The following SLC16A6 variants were observed in gnomAD, a reference collection of about 807,000 sequenced individuals.
SLC16A6 encodes monocarboxylate transporter 7.
In SLC16A6, 15 loss-of-function variants were observed where a neutral mutation model predicts 33.8. The observed-to-expected ratio is 0.44, with a 90% confidence interval of 0.30 to 0.68. SLC16A6 has a LOEUF of 0.68. SLC16A6 is among the 30% of genes least tolerant of loss of function. SLC16A6 has a pLI of 0.10. For synonymous variants in SLC16A6, 219 were observed against 248.4 expected (o/e 0.88, Z 1.11); for missense variants, 451 against 661.5 (o/e 0.68, Z 3.49).
At chr17:68,276,406 G>A (rs1027159087) in intron 2 of SLC16A6, among the ~76,000 whole-genome samples, 1 of 152,150 alleles carries the variant, frequency 6.6e-6, no homozygotes, top group Non-Finnish European at 1.5e-5. Context: ...CAGTGTGTAA[G>A]TGTAAACTTA....
chr17:68,273,210 ATT>A (rs879951885), intron 3 of SLC16A6, among the ~76,000 whole-genome samples: 1 of 144,218 alleles, frequency 6.9e-6, no homozygotes, highest in African/African-American at 2.5e-5. Context: ...TGTTCATTTC[ATT>A]TTTTTTTTTT....
intron 2 of SLC16A6, 44 bp downstream of exon 2, chr17:68,278,045 G>A (rs1015277636): frequency 1.5e-6 from 2 of 1,348,972 alleles, no homozygotes; most frequent in African/African-American, 2.9e-5. Flanking sequence ...CAAATTAAAA[G>A]GGCCCTATAC....
At chr17:68,275,487 A>G (rs1299145488) in intron 2 of SLC16A6, among the ~76,000 whole-genome samples, 1 of 152,192 alleles carries the variant, frequency 6.6e-6, no homozygotes, top group Non-Finnish European at 1.5e-5. Flanking sequence ...CTAGAATAAT[A>G]GCATTTGGAA....
chr17:68,271,800 A>C lies in SLC16A6; in HGVS notation c.506-146T>G. ...TATACTCAGCAGTATGAATGTACTC[A>C]ATCTTTATTTATTTACTTTTTGAGA... On this transcript the variant is annotated intron_variant, in intron 4 of 5. Transcript: ENST00000580666. The surrounding 1 kb of genome is among the most constrained non-coding windows in gnomAD (Gnocchi z 5.3). 1.5e-6 allele frequency: 1 copy of C among 654,730 alleles called. No individual in the cohort carries two copies. Among genetic ancestry groups the C allele is most frequent in the Non-Finnish European group, 2.6e-6 (1 of 382,578 alleles). 40.6% of individuals were successfully genotyped at this position (654,730 alleles called of 1,614,324 possible). A position where few individuals can be genotyped will look rare whatever the true frequency, so the allele number is the denominator to read the frequency against.
intron 1 of SLC16A6, 32 bp from the exon 2 acceptor site, chr17:68,278,359 A>C (rs1555751725): frequency 1.4e-6 from 2 of 1,419,864 alleles, no homozygotes; most frequent in Non-Finnish European, 9.9e-7. Context: ...AATTCAGATC[A>C]GCAATAGCAT....
At chr17:68,290,155 C>T (rs1205304907) in intron 1 of SLC16A6, among the ~76,000 whole-genome samples, 1 of 152,222 alleles carries the variant, frequency 6.6e-6, no homozygotes, top group African/African-American at 2.4e-5. Context: ...AAGGAGCTGG[C>T]ACGGAGTGTC....
chr17:68,274,396 G>A (rs1176366829), intron 2 of SLC16A6: 5 of 201,226 alleles, frequency 2.5e-5, no homozygotes, highest in Non-Finnish European at 5.2e-5. Flanking sequence ...AGCCTGGGAG[G>A]CAGACGATGC....
At position 68,271,181 on chromosome 17, in the gene SLC16A6, C is replaced by G; in HGVS notation, c.979G>C (p.Asp327His). 1 of 1,614,008 alleles carries G rather than the reference C, an allele frequency of 6.2e-7. No individual in the cohort carries two copies. The highest frequency in any genetic ancestry group is 8.5e-7 in the Non-Finnish European group (1 of 1,180,040). ...PLGISLGIDQDRAAFLLSTMA... is the reference protein window; with the variant it reads ...PLGISLGIDQHRAAFLLSTMA... Reference sequence around the variant, plus strand: ...GTAGATAATAAAAAAGCAGCGCGGTCCTGGTCAATGCCCAGACTAATGCCC... The same window carrying G: ...GTAGATAATAAAAAAGCAGCGCGGTGCTGGTCAATGCCCAGACTAATGCCC... Residue 327 changes from aspartate (D) to histidine (H), a missense_variant, in exon 5 of 6, where the codon GAC becomes CAC. Asp to His is a moderately conservative substitution (Grantham distance 81). This residue lies in a region of SLC16A6 where 405 missense variants were observed against 510.7 expected (regional missense o/e 0.79). Coordinates refer to ENST00000580666, the MANE Select transcript of SLC16A6 (RefSeq NM_004694.5). This position sits in a 1 kb window ranked among gnomAD's most constrained non-coding sequence, Gnocchi z 5.3.
rs1297799107 is a variant in SLC16A6, at chr17:68,274,238, G to A, written c.233-168C>T. On this transcript the variant is annotated intron_variant, in intron 2 of 5. Coordinates refer to ENST00000580666, the MANE Select transcript of SLC16A6 (RefSeq NM_004694.5). ...CCCAGCACTTTGGGAGGTTGAGGAC[G>A]GAGGATCGCTTGAGCCCAGGAGTTC... is the stretch of plus-strand genomic sequence containing the variant. 5 of 609,598 alleles carry A rather than the reference G, an allele frequency of 8.2e-6. No homozygotes were observed. In the Admixed American group the frequency reaches 1.5e-4, roughly 19 times the overall value. 37.8% of individuals were successfully genotyped at this position (609,598 alleles called of 1,614,324 possible).
At chr17:68,291,198 G>A (rs2145228916), upstream of SLC16A6, 1 of 151,982 alleles carries the variant, frequency 6.6e-6, no homozygotes, top group South Asian at 2.1e-4. Flanking sequence ...ACCCCTTAGG[G>A]GGCGGGCCCG....
intron 1 of SLC16A6, 145 bp from the exon 2 acceptor site, chr17:68,278,472 T>A (rs2075594170): frequency 1.6e-6 from 1 of 606,136 alleles, no homozygotes; most frequent in South Asian, 2.1e-5. Flanking sequence ...TTTATTGAGA[T>A]GGAGTCTTGC....
chr17:68,272,858 C>G, intron 3 of SLC16A6, 91 bp from the exon 4 acceptor site: 1 of 1,503,712 alleles, frequency 6.7e-7, no homozygotes, highest in African/African-American at 1.4e-5. Context: ...TTTGGTTTTG[C>G]TTTTTGAATC....
At chr17:68,277,461 G>C (rs1032092522) in intron 2 of SLC16A6, among the ~76,000 whole-genome samples, 7 of 149,298 alleles carry the variant, frequency 4.7e-5, no homozygotes, top group Non-Finnish European at 8.9e-5. Flanking sequence ...ATGGTGTCTC[G>C]CTCTGTTGCC....
In SLC16A6 at chr17:68,274,008, GC is replaced by G. The variant is rs782184620; in HGVS notation, c.294del (p.Leu99TyrfsTer39). 40 of 1,613,842 alleles carry G rather than the reference GC, an allele frequency of 2.5e-5. No homozygotes were observed. The highest frequency in any genetic ancestry group is 1.7e-6 in the Non-Finnish European group (2 of 1,179,998). ...FGHRLVVMLG[G>X]LLVSTGMVAA... is the part of the protein sequence containing the mutation. ...GCCACCATCCCGGTGCTGACAAGTA[GC>G]CCCCCCAACATCACTACCAGACGGT... is the stretch of plus-strand genomic sequence containing the variant. On this transcript the variant is annotated frameshift_variant, in exon 3 of 6. Transcript: ENST00000580666. LOFTEE classifies it high-confidence loss of function.
chr17:68,289,384 T>C lies in SLC16A6; in HGVS notation c.-8+1702A>G, dbSNP rs182724852. The stretch of plus-strand genomic sequence containing the variant: ...GTGATTTAATTTGTCGAGAGAAGAT[T>C]TGGCCCGAGGGCATGAAAAAAATTG... On this transcript the variant is annotated intron_variant, in intron 1 of 5. Transcript: ENST00000580666. 9.2e-4 allele frequency among the ~76,000 whole-genome samples: 140 copies of C among 152,268 alleles called. 1 individual carries two copies. The highest frequency in any genetic ancestry group is 7.3e-3 in the South Asian group (35 of 4,824).
intron 2 of SLC16A6, among the ~76,000 whole-genome samples, chr17:68,274,970 G>T (rs1264588653): frequency 1.3e-5 from 2 of 152,116 alleles, no homozygotes; most frequent in Non-Finnish European, 2.9e-5. Flanking sequence ...AGTAGAGATG[G>T]GGTTTCTCCA....
intron 1 of SLC16A6, among the ~76,000 whole-genome samples, chr17:68,282,846 G>A (rs1555753261): frequency 6.7e-6 from 1 of 149,474 alleles, no homozygotes; most frequent in Admixed American, 6.8e-5. Context: ...TACTTGGGAG[G>A]CTGAGGCAGG....
At chr17:68,289,069 G>A (rs1258570001) in intron 1 of SLC16A6, among the ~76,000 whole-genome samples, 1 of 152,108 alleles carries the variant, frequency 6.6e-6, no homozygotes, top group East Asian at 1.9e-4. Flanking sequence ...GTATTGGCCG[G>A]GTGCGGTAGC....
At chr17:68,274,401 C>T (rs1426760960) in intron 2 of SLC16A6, 5 of 198,248 alleles carry the variant, frequency 2.5e-5, no homozygotes, top group Non-Finnish European at 4.2e-5. Flanking sequence ...GGGAGGCAGA[C>T]GATGCAGTGA....
Sources: gnomAD v4.1 joint callset for allele counts (sites outside exome capture counted in the v4.1 genomes callset) on GRCh38, gnomAD v4.1.1 for gene constraint, gnomAD v4.1.1 regional missense constraint, Gnocchi (gnomAD v3.1) non-coding constraint, MANE v1.5 for transcripts, NCBI Gene and HGNC (gene_info 2026-07-23, HGNC 2026-07-21) for gene names.